The following ASAP2 variants were observed in gnomAD, a reference collection of about 807,000 sequenced individuals.
The protein encoded by ASAP2 is arf-GAP with SH3 domain, ANK repeat and PH domain-containing protein 2.
In ASAP2, 45 loss-of-function variants were observed where a neutral mutation model predicts 131.4. The observed-to-expected ratio is 0.34, with a 90% CI of 0.27 to 0.44. The LOEUF is 0.44. Ranked by LOEUF, ASAP2 falls within the 20% of genes least tolerant of loss-of-function variation. ASAP2 has a pLI of 1.00. For missense variants in ASAP2, 1,011 were observed against 1,297.0 expected, an observed-to-expected ratio of 0.78 and a Z score of 3.39; for synonymous variants, 510 against 503.0, an observed-to-expected ratio of 1.01 and a Z score of -0.19.
intron 14 of ASAP2, among the ~76,000 whole-genome samples, 183 bp downstream of exon 14, chr2:9,356,528 G>A (rs1319514894): frequency 1.3e-5 from 2 of 152,164 alleles, no homozygotes; most frequent in South Asian, 2.1e-4. Context: ...GGAGAGGGGC[G>A]GGAAGATGTT....
chr2:9,229,212 A>G (rs923598187), intron 1 of ASAP2, among the ~76,000 whole-genome samples: 2 of 152,182 alleles, frequency 1.3e-5, no homozygotes, highest in Non-Finnish European at 2.9e-5. Context: ...TAAAGATAGT[A>G]GGGCATACCT....
In ASAP2 at chr2:9,228,610, T is replaced by C. The variant is rs147021501; in HGVS notation, c.126+21380T>C. ...CCCCCATCTTCCTGAGCAGAGTTCATGTGTGATATACAAATGAATGGTCTC... is the reference window on the plus strand; with the variant it reads ...CCCCCATCTTCCTGAGCAGAGTTCACGTGTGATATACAAATGAATGGTCTC... On this transcript the variant is annotated intron_variant, in intron 1 of 27. Coordinates refer to ENST00000281419, the MANE Select transcript of ASAP2 (RefSeq NM_003887.3). 4.8e-3 allele frequency among the ~76,000 whole-genome samples: 733 copies of C among 152,310 alleles called. 2 individuals are homozygous for C. Among genetic ancestry groups the C allele is most frequent in the Middle Eastern group, 0.01 (3 of 294 alleles).
rs1671091854 is a variant in ASAP2, at chr2:9,334,833, C to G, written c.762+20C>G. 1 of 1,604,564 alleles carries G rather than the reference C, an allele frequency of 6.2e-7. No homozygotes were observed. The highest frequency in any genetic ancestry group is 1.3e-5 in the African/African-American group (1 of 74,652). On this transcript the variant is annotated intron_variant, in intron 8 of 27. Coordinates refer to ENST00000281419, the MANE Select transcript of ASAP2 (RefSeq NM_003887.3). ...CACACGGTGAGTAGCTTCCCTCCCA[C>G]TGTGGTTTAAAACCATCTTAATGCA...
At chr2:9,376,426 G>A (rs1223465009) in intron 17 of ASAP2, among the ~76,000 whole-genome samples, 1 of 152,276 alleles carries the variant, frequency 6.6e-6, no homozygotes, top group Non-Finnish European at 1.5e-5. Context: ...TCCCCAGTAT[G>A]AGTTGGAGAC....
rs1675795195 is a variant in ASAP2, at chr2:9,392,357, C to T, written c.2519-1125C>T. On this transcript the variant is annotated intron_variant, in intron 23 of 27. Transcript: ENST00000281419. The surrounding 1 kb of genome is among the most constrained non-coding windows in gnomAD (Gnocchi z 4.0). ...GAGTGGGGAGTCCAGCATCTCTGGG[C>T]TTCATTGCTTCCAGAGCATGAGAAT... 6.6e-6 allele frequency among the ~76,000 whole-genome samples: 1 copy of T among 152,210 alleles called. No individual in the cohort carries two copies. The highest frequency in any genetic ancestry group is 1.5e-5 in the Non-Finnish European group (1 of 68,046).
intron 21 of ASAP2, among the ~76,000 whole-genome samples, chr2:9,387,055 A>G: frequency 7.1e-6 from 1 of 140,064 alleles, no homozygotes; most frequent in African/African-American, 2.9e-5. Flanking sequence ...AATACAAAAA[A>G]ATTAGCCGGG....
intron 15 of ASAP2, among the ~76,000 whole-genome samples, chr2:9,367,973 C>G (rs1006369667): frequency 2.0e-5 from 3 of 152,202 alleles, no homozygotes; most frequent in Admixed American, 6.5e-5. Flanking sequence ...GGTCACACAG[C>G]CGGTAATGGA....
chr2:9,295,018 G>A (rs970026028), intron 2 of ASAP2, among the ~76,000 whole-genome samples: 6 of 152,148 alleles, frequency 3.9e-5, no homozygotes, highest in Non-Finnish European at 8.8e-5. Context: ...CGCTAATTTT[G>A]AGATAGTTTA....
At chr2:9,213,799 C>T (rs1337145495) in intron 1 of ASAP2, among the ~76,000 whole-genome samples, 1 of 152,218 alleles carries the variant, frequency 6.6e-6, no homozygotes, top group Non-Finnish European at 1.5e-5. Flanking sequence ...CTTCCAGCAT[C>T]CCCATGGTGA....
chr2:9,254,857 G>T (rs1665048898), intron 1 of ASAP2, among the ~76,000 whole-genome samples: 1 of 152,074 alleles, frequency 6.6e-6, no homozygotes, highest in Admixed American at 6.6e-5. Context: ...CCAGTTTTTG[G>T]CTATTATGGA....
At chr2:9,312,732 GCTGT>G (rs1307608461) in intron 3 of ASAP2, among the ~76,000 whole-genome samples, 6 of 152,104 alleles carry the variant, frequency 3.9e-5, no homozygotes, top group African/African-American at 1.4e-4. Context: ...GAGGGGAGAG[GCTGT>G]CTGAGGACTG....
chr2:9,396,069 C>T (rs1676125759), intron 24 of ASAP2, among the ~76,000 whole-genome samples: 1 of 152,134 alleles, frequency 6.6e-6, no homozygotes, highest in African/African-American at 2.4e-5. Flanking sequence ...GTAGGTTGGG[C>T]AGGGCAGCGG....
intron 12 of ASAP2, among the ~76,000 whole-genome samples, chr2:9,353,946 G>T (rs1672518792): frequency 6.6e-6 from 1 of 152,112 alleles, no homozygotes; most frequent in Non-Finnish European, 1.5e-5. Flanking sequence ...CTGCACTGTA[G>T]CCTGGGTAAT....
intron 3 of ASAP2, among the ~76,000 whole-genome samples, chr2:9,317,608 A>T (rs1270872595): frequency 2.0e-5 from 3 of 150,686 alleles, no homozygotes; most frequent in Non-Finnish European, 4.4e-5. Flanking sequence ...TCACGCACTC[A>T]CATCCACAAT....
At chr2:9,354,529 TG>T (rs1235186817) in intron 12 of ASAP2, among the ~76,000 whole-genome samples, 1 of 151,314 alleles carries the variant, frequency 6.6e-6, no homozygotes, top group Non-Finnish European at 1.5e-5. Flanking sequence ...CTCAGTACTT[TG>T]GGAGGCTGAG....
At chr2:9,258,398 A>G (rs1247280228) in intron 1 of ASAP2, among the ~76,000 whole-genome samples, 1 of 142,932 alleles carries the variant, frequency 7.0e-6, no homozygotes, top group African/African-American at 2.7e-5. Context: ...AAAATACCTC[A>G]CATATGTTTG....
chr2:9,235,114 A>G (rs1355009571), intron 1 of ASAP2, among the ~76,000 whole-genome samples: 2 of 152,120 alleles, frequency 1.3e-5, no homozygotes, highest in African/African-American at 4.8e-5. Flanking sequence ...GACATATGCC[A>G]ACTGGAGCTT....
intron 1 of ASAP2, among the ~76,000 whole-genome samples, chr2:9,257,447 A>G (rs1371161295): frequency 6.6e-6 from 1 of 152,192 alleles, no homozygotes; most frequent in Non-Finnish European, 1.5e-5. Context: ...TTAACAGGAG[A>G]TTACCTTGAA....
At position 9,353,249 on chromosome 2, in the gene ASAP2, T is replaced by G. The variant is rs1572527615; in HGVS notation, c.1111+2354T>G. 2.0e-5 allele frequency among the ~76,000 whole-genome samples: 3 copies of G among 152,084 alleles called. No individual in the cohort carries two copies. In the South Asian group the frequency reaches 6.2e-4, roughly 32 times the overall value. On this transcript the variant is annotated intron_variant, in intron 12 of 27. Coordinates refer to ENST00000281419, the MANE Select transcript of ASAP2 (RefSeq NM_003887.3). Reference sequence around the variant, plus strand: ...ATGGGATGAGTATCACCAAGATGCTTTTGAACTCTCAAGATGCTTTTGAAC... The same window carrying G: ...ATGGGATGAGTATCACCAAGATGCTGTTGAACTCTCAAGATGCTTTTGAAC...
Sources: gnomAD v4.1 joint callset for allele counts (sites outside exome capture counted in the v4.1 genomes callset) on GRCh38, gnomAD v4.1.1 for gene constraint, Gnocchi (gnomAD v3.1) non-coding constraint, MANE v1.5 for transcripts, NCBI Gene and HGNC (gene_info 2026-07-23, HGNC 2026-07-21) for gene names.